SEMA4F: variants seen among roughly 807,000 people sequenced by gnomAD.
SEMA4F encodes semaphorin-4F.
Under a neutral mutation model 78.4 loss-of-function variants are expected in SEMA4F, and 51 were observed. The ratio of observed to expected loss-of-function variants is 0.65; its 90% CI spans 0.52 to 0.82. The LOEUF is 0.82. Ranked by LOEUF, SEMA4F falls within the 40% of genes least tolerant of loss-of-function variation. The pLI is 0.00. For missense variants in SEMA4F, 938 were observed against 1,014.4 expected (o/e 0.92, Z 1.02); for synonymous variants, 418 against 408.7 (o/e 1.02, Z -0.27).
At chr2:74,701,223 C>A in the SEMA4F span, among the ~76,000 whole-genome samples, 43,128 of 151,958 alleles carry the variant, frequency 0.28, 9,063 homozygotes, top group East Asian at 0.82. Flanking sequence ...GAGGTGATCA[C>A]TGGTTCACTG....
chr2:74,707,600 C>G, the SEMA4F span, among the ~76,000 whole-genome samples: 3 of 151,556 alleles, frequency 2.0e-5, no homozygotes, highest in African/African-American at 7.3e-5. Flanking sequence ...ATAACAACAA[C>G]AACAACAAAC....
chr2:74,704,710 A>G, the SEMA4F span, among the ~76,000 whole-genome samples: 1 of 152,168 alleles, frequency 6.6e-6, no homozygotes, highest in African/African-American at 2.4e-5. Context: ...ATTCACACTT[A>G]GCCAGACGTC....
At chr2:74,687,387 A>G (rs1685845454), downstream of SEMA4F, among the ~76,000 whole-genome samples, 1 of 152,208 alleles carries the variant, frequency 6.6e-6, no homozygotes, top group Non-Finnish European at 1.5e-5. Context: ...TCAGCATAGC[A>G]TATCATCAAT....
rs778734359 is a variant in SEMA4F at position 74,679,902 on chromosome 2, G to A, written c.2006G>A (p.Gly669Glu). The change falls in exon 14 of 14, where the codon GGG becomes GAG. Residue 669 changes from glycine (G) to glutamate (E), a missense_variant. Physicochemically the swap from Gly to Glu is moderately conservative, Grantham distance 98. Transcript: ENST00000357877. ...GCGGGACTGGCTGGCTTCTTCTTGG[G>A]GATTCTCGCAGCATCCCTGACTCTC... The part of the protein sequence containing the change: ...VGAGLAGFFL[G>E]ILAASLTLIL... 1.2e-6 allele frequency: 2 copies of A among 1,614,196 alleles called. No homozygotes were observed. The highest frequency in any genetic ancestry group is 1.7e-6 in the Non-Finnish European group (2 of 1,180,042).
chr2:74,663,664 G>A (rs1684538034), intron 5 of SEMA4F, among the ~76,000 whole-genome samples: 1 of 152,114 alleles, frequency 6.6e-6, no homozygotes, highest in African/African-American at 2.4e-5. Context: ...GGGAGGAGGT[G>A]CTTTTTTAAA....
At chr2:74,702,126 G>A in the SEMA4F span, among the ~76,000 whole-genome samples, 1 of 152,174 alleles carries the variant, frequency 6.6e-6, no homozygotes, top group African/African-American at 2.4e-5. Flanking sequence ...CAGCCAAGAG[G>A]TAAGTTTGGC....
At chr2:74,704,647 G>A in the SEMA4F span, among the ~76,000 whole-genome samples, 1 of 151,936 alleles carries the variant, frequency 6.6e-6, no homozygotes, top group Non-Finnish European at 1.5e-5. Context: ...ATTGTATAAC[G>A]AGCCGACACA....
At chr2:74,672,101 C>G (rs189121256) in intron 5 of SEMA4F, among the ~76,000 whole-genome samples, 1 of 152,206 alleles carries the variant, frequency 6.6e-6, no homozygotes, top group Non-Finnish European at 1.5e-5. Flanking sequence ...TTTATTCTTA[C>G]CTGCAGGGTA....
chr2:74,662,866 T>C lies in SEMA4F; in HGVS notation c.550+41T>C, dbSNP rs760207858. 3 of 1,517,044 alleles carry C rather than the reference T, an allele frequency of 2.0e-6. No homozygotes were observed. In the South Asian group the frequency reaches 3.4e-5, roughly 17 times the overall value. The allele number at this position is 1,517,044 out of a possible 1,614,324, so 94.0% of individuals were successfully genotyped here. On this transcript the variant is annotated intron_variant, in intron 5 of 13. Coordinates refer to ENST00000357877, the MANE Select transcript of SEMA4F (RefSeq NM_004263.5). ...CAAGAACCTGTAACTTCTTGCTAATTGCCTCCTTCCCCACCCTTGCTGTTA... is the reference window on the plus strand; with the variant it reads ...CAAGAACCTGTAACTTCTTGCTAATCGCCTCCTTCCCCACCCTTGCTGTTA...
At chr2:74,676,334 C>T (rs549284547) in intron 12 of SEMA4F, among the ~76,000 whole-genome samples, 1 of 152,312 alleles carries the variant, frequency 6.6e-6, no homozygotes, top group African/African-American at 2.4e-5. Context: ...AGTCCTGGAC[C>T]CATTCTCTTC....
chr2:74,683,350 C>T lies in SEMA4F; in HGVS notation c.*3141C>T, dbSNP rs775320879. 2.0e-5 allele frequency: 3 copies of T among 152,248 alleles called. No homozygotes were observed. Among genetic ancestry groups the T allele is most frequent in the Non-Finnish European group, 4.4e-5 (3 of 68,054 alleles). 9.4% of individuals were successfully genotyped at this position (152,248 alleles called of 1,614,324 possible). ...AACACGAGGACGTGCCACCCATCCT[C>T]AGCACTCTCAAGACACACTTAAGTG... On this transcript the variant is annotated 3_prime_UTR_variant, in exon 14 of 14. Coordinates refer to ENST00000357877, the MANE Select transcript of SEMA4F (RefSeq NM_004263.5).
downstream of SEMA4F, among the ~76,000 whole-genome samples, chr2:74,684,893 G>A (rs965980950): frequency 4.6e-5 from 7 of 152,236 alleles, no homozygotes; most frequent in Non-Finnish European, 1.0e-4. Context: ...AAGCCTGTGA[G>A]CCTGGGAGGT....
chr2:74,662,808 C>A lies in SEMA4F; in HGVS notation c.533C>A (p.Ser178Ter). 1 of 1,614,160 alleles carries A rather than the reference C, an allele frequency of 6.2e-7. No individual in the cohort carries two copies. The highest frequency in any genetic ancestry group is 1.1e-5 in the South Asian group (1 of 91,058). ...TGTCCTTTTGAGCCAGCTCAGCGGT[C>A]AGCAGCTGTAATGGCTGGTGAGTGG... ...GKCPFEPAQR[S>*]AAVMAGGVLY... Residue 178 changes from serine (S) to a stop codon, truncating the protein, a stop_gained, in exon 5 of 14, where the codon TCA becomes TAA. Transcript: ENST00000357877. LOFTEE classifies it high-confidence loss of function.
At chr2:74,670,132 T>A (rs913435569) in intron 5 of SEMA4F, among the ~76,000 whole-genome samples, 1 of 152,186 alleles carries the variant, frequency 6.6e-6, no homozygotes, top group African/African-American at 2.4e-5. Flanking sequence ...TCAGCAATAA[T>A]TTGCCAAACA....
rs1183558400 is a variant in SEMA4F, at chr2:74,679,644, T to C, written c.1748T>C (p.Val583Ala). Residue 583 changes from valine (V) to alanine (A), a missense_variant, in exon 14 of 14, where the codon GTG becomes GCG. Transcript: ENST00000357877. Reference sequence around the variant, plus strand: ...GTTCCCGTGGCTACAGCTGCGCATGTGGTCTTGCCATGTTCTCCAAGCTCA... The same window carrying C: ...GTTCCCGTGGCTACAGCTGCGCATGCGGTCTTGCCATGTTCTCCAAGCTCA... ...FEVPVATAAHVVLPCSPSSAW... is the reference protein window; with the variant it reads ...FEVPVATAAHAVLPCSPSSAW... The C allele has an allele frequency of 6.2e-7, 1 of 1,611,396 alleles. No homozygotes were observed.
chr2:74,672,462 C>T (rs1211489133), intron 5 of SEMA4F, among the ~76,000 whole-genome samples: 1 of 152,188 alleles, frequency 6.6e-6, no homozygotes, highest in African/African-American at 2.4e-5. Flanking sequence ...ATTTACTTAG[C>T]ACCCGGCACA....
chr2:74,675,028 C>T lies in SEMA4F; in HGVS notation c.1142C>T (p.Pro381Leu), dbSNP rs200774522. 4.5e-5 allele frequency: 73 copies of T among 1,613,942 alleles called. 1 individual carries two copies. The highest frequency in any genetic ancestry group is 6.1e-5 in the Non-Finnish European group (72 of 1,180,006). Residue 381 changes from proline (P) to leucine (L), a missense_variant, in exon 9 of 14, where the codon CCT becomes CTT. Physicochemically the swap from Pro to Leu is moderately conservative, Grantham distance 98 (BLOSUM62 -3). Coordinates refer to ENST00000357877, the MANE Select transcript of SEMA4F (RefSeq NM_004263.5). Reference sequence around the variant, plus strand: ...GACAATGATGTGCCCCAGCCCAGACCTGGAGAGGTGAGGGGGCAGATCTTC... The same window carrying T: ...GACAATGATGTGCCCCAGCCCAGACTTGGAGAGGTGAGGGGGCAGATCTTC... ...VVDNDVPQPR[P>L]GECITNNMKL...
At chr2:74,655,268 C>A in intron 1 of SEMA4F, 1 of 390,024 alleles carries the variant, frequency 2.6e-6, no homozygotes, top group Non-Finnish European at 5.3e-6. Flanking sequence ...TTTTTCAAGT[C>A]TTCAGAAGGA....
chr2:74,654,578 C>T (rs1558714358), intron 1 of SEMA4F, 57 bp downstream of exon 1: 1 of 1,426,512 alleles, frequency 7.0e-7, no homozygotes. Context: ...CACCCACACC[C>T]ACCTGCTCCT....
Sources: gnomAD v4.1 joint callset for allele counts (sites outside exome capture counted in the v4.1 genomes callset) on GRCh38, gnomAD v4.1.1 for gene constraint, MANE v1.5 for transcripts, NCBI Gene and HGNC (gene_info 2026-07-23, HGNC 2026-07-21) for gene names.